Variants in PPP1R9B observed in about 807,000 individuals in gnomAD.
PPP1R9B encodes neurabin-2.
A neutral mutation model predicts 75.8 loss-of-function variants in PPP1R9B; 17 were observed. The observed-to-expected ratio is 0.22, with a 90% CI of 0.15 to 0.34. The LOEUF (loss-of-function observed/expected upper bound fraction) is 0.34. PPP1R9B is among the 10% of genes least tolerant of loss of function. The probability of loss-of-function intolerance (pLI) is 1.00; values close to 1 mark genes in which losing one functional copy is unlikely to be tolerated. For synonymous variants in PPP1R9B, 509 were observed against 535.4 expected, an observed-to-expected ratio of 0.95 and a Z score of 0.68; for missense variants, 875 against 1,196.0, an observed-to-expected ratio of 0.73 and a Z score of 3.96.
rs1202681449 is a variant in PPP1R9B at position 50,135,429 on chromosome 17, A to G, written c.2401-45T>C. 3 of 1,598,636 alleles carry G rather than the reference A, an allele frequency of 1.9e-6. No individual in the cohort carries two copies. In the Admixed American group the frequency reaches 5.0e-5, roughly 27 times the overall value. On this transcript the variant is annotated intron_variant, in intron 9 of 9. Transcript: ENST00000612501. Reference sequence around the variant, plus strand: ...AGGGGGTCAGGTCTGGACACCAGGCATGATCCCAGCCCCTTCCGCCCCCCG... The same window carrying G: ...AGGGGGTCAGGTCTGGACACCAGGCGTGATCCCAGCCCCTTCCGCCCCCCG...
intron 7 of PPP1R9B, 48 bp from the exon 8 acceptor site, chr17:50,136,245 C>T (rs1912226791): frequency 6.6e-7 from 1 of 1,516,302 alleles, no homozygotes; most frequent in Non-Finnish European, 8.9e-7. Flanking sequence ...CAGCAGGAGC[C>T]AAAGGGTACC....
intron 4 of PPP1R9B, 24 bp from the exon 5 acceptor site, chr17:50,140,252 G>A (rs753652878): frequency 5.1e-6 from 8 of 1,574,842 alleles, no homozygotes; most frequent in East Asian, 2.3e-5. Context: ...GGCATCATCC[G>A]CTGCCTCTGT....
At chr17:50,135,822 G>A in intron 8 of PPP1R9B, 146 bp downstream of exon 8, 1 of 860,914 alleles carries the variant, frequency 1.2e-6, no homozygotes, top group Non-Finnish European at 1.8e-6. Flanking sequence ...TGGCTCTGAT[G>A]CCTGGTCATT....
At chr17:50,148,341 C>G (rs535372535) in intron 1 of PPP1R9B, among the ~76,000 whole-genome samples, 10 of 152,354 alleles carry the variant, frequency 6.6e-5, no homozygotes, top group African/African-American at 2.2e-4. Flanking sequence ...GGAGTCTGTC[C>G]TATTGAGCAG....
chr17:50,148,969 T>C (rs1179336538), intron 1 of PPP1R9B, among the ~76,000 whole-genome samples, 174 bp downstream of exon 1: 2 of 151,820 alleles, frequency 1.3e-5, no homozygotes, highest in Admixed American at 1.3e-4. Context: ...AATCCCTCTC[T>C]GACAAACAGC....
chr17:50,135,098 T>G lies in PPP1R9B; in HGVS notation c.*233A>C, dbSNP rs568536490. Reference sequence around the variant, plus strand: ...CCTCGGCCTCTGTGCCTCAGCCCCATGGGGCAAGAAAGAGGCTGCCCTTCT... The same window carrying G: ...CCTCGGCCTCTGTGCCTCAGCCCCAGGGGGCAAGAAAGAGGCTGCCCTTCT... On this transcript the variant is annotated 3_prime_UTR_variant, in exon 10 of 10. Transcript: ENST00000612501. 1 of 572,322 alleles carries G rather than the reference T, an allele frequency of 1.7e-6. No individual in the cohort carries two copies. The allele number at this position is 572,322 out of a possible 1,614,324, so 35.5% of individuals were successfully genotyped here.
At chr17:50,147,750 G>A (rs1044101488) in intron 1 of PPP1R9B, among the ~76,000 whole-genome samples, 2 of 152,254 alleles carry the variant, frequency 1.3e-5, no homozygotes, top group East Asian at 1.9e-4. Flanking sequence ...GGAGGGGAAA[G>A]GGGTTGGGAG....
chr17:50,137,083 G>A (rs960026183), intron 7 of PPP1R9B, among the ~76,000 whole-genome samples: 2 of 151,926 alleles, frequency 1.3e-5, no homozygotes, highest in Non-Finnish European at 2.9e-5. Context: ...GGGCCTTTAC[G>A]TGTGCTGTCC....
intron 1 of PPP1R9B, among the ~76,000 whole-genome samples, chr17:50,146,445 G>C (rs1289076457): frequency 6.6e-6 from 1 of 152,142 alleles, no homozygotes; most frequent in African/African-American, 2.4e-5. Flanking sequence ...AAGGGCCCTT[G>C]TCAGGGCCCG....
chr17:50,135,047 C>A lies in PPP1R9B; in HGVS notation c.*284G>T. On this transcript the variant is annotated 3_prime_UTR_variant, in exon 10 of 10. Transcript: ENST00000612501. ...TTGATCTGCAGGTGCTTGTGTCCGTCGACCACCAGGCCAGCCCTCGGCAGC... is the reference window on the plus strand; with the variant it reads ...TTGATCTGCAGGTGCTTGTGTCCGTAGACCACCAGGCCAGCCCTCGGCAGC... The A allele has an allele frequency of 2.0e-6, 1 of 505,242 alleles. No individual in the cohort carries two copies. Among genetic ancestry groups the A allele is most frequent in the South Asian group, 2.3e-5 (1 of 42,830 alleles). 31.3% of individuals were successfully genotyped at this position (505,242 alleles called of 1,614,324 possible).
In PPP1R9B at chr17:50,135,212, T is replaced by TG. The variant is rs1912189309; in HGVS notation, c.*118dup. 12 of 584,366 alleles carry TG rather than the reference T, an allele frequency of 2.1e-5. No homozygotes were observed. The East Asian group carries it at 2.8e-4, about 14-fold the overall frequency. The allele number at this position is 584,366 out of a possible 1,614,324, so 36.2% of individuals were successfully genotyped here. ...AGCTGGGGGAGGTGGGGTGGAGGGG[T>TG]GGGGGGAGTCGGGGCACCTGTCCCC... On this transcript the variant is annotated 3_prime_UTR_variant, in exon 10 of 10. Coordinates refer to ENST00000612501, the MANE Select transcript of PPP1R9B (RefSeq NM_032595.5).
In PPP1R9B at chr17:50,150,035, C is replaced by G. The variant is rs571450130; in HGVS notation, c.479G>C (p.Gly160Ala). 21 of 1,470,012 alleles carry G rather than the reference C, an allele frequency of 1.4e-5. No individual in the cohort carries two copies. Among genetic ancestry groups the G allele is most frequent in the East Asian group, 3.0e-5 (1 of 33,868 alleles). 91.1% of individuals were successfully genotyped at this position (1,470,012 alleles called of 1,614,324 possible). ...CCGCGCCGCGGCCTCCTTGTCGCCGCCTGCGGCCGCTGGGGCGCTCCGTTC... is the reference window on the plus strand; with the variant it reads ...CCGCGCCGCGGCCTCCTTGTCGCCGGCTGCGGCCGCTGGGGCGCTCCGTTC... ...LFERSAPAAAGGDKEAAARRL... is the reference protein window; with the variant it reads ...LFERSAPAAAAGDKEAAARRL... Residue 160 changes from glycine to alanine, a missense_variant, in exon 1 of 10, where the codon GGC (glycine) becomes GCC (alanine). Coordinates refer to ENST00000612501, the MANE Select transcript of PPP1R9B (RefSeq NM_032595.5). The surrounding 1 kb of genome is among the most constrained non-coding windows in gnomAD (Gnocchi z 8.7).
chr17:50,139,539 T>C lies in PPP1R9B; in HGVS notation c.1909A>G (p.Thr637Ala), dbSNP rs756121444. 1 of 1,591,120 alleles carries C rather than the reference T, an allele frequency of 6.3e-7. No individual in the cohort carries two copies. Among genetic ancestry groups the C allele is most frequent in the Non-Finnish European group, 8.6e-7 (1 of 1,167,210 alleles). The change falls in exon 6 of 10, where the codon ACG becomes GCG. Residue 637 changes from threonine to alanine, a missense_variant. Thr to Ala is a moderately conservative substitution (Grantham distance 58). This residue lies in a region of PPP1R9B where 218 missense variants were observed against 334.6 expected (regional missense o/e 0.65). Transcript: ENST00000612501. This position sits in a 1 kb window ranked among gnomAD's most constrained non-coding sequence, Gnocchi z 5.0. Reference protein sequence around the residue: ...ATDEDEELSPTFPGGEMAIEV... With the variant: ...ATDEDEELSPAFPGGEMAIEV... Reference sequence around the variant, plus strand: ...ATGGCCATCTCACCACCCGGGAACGTGGGGCTCAGCTCCTCATCCTCGTCA... The same window carrying C: ...ATGGCCATCTCACCACCCGGGAACGCGGGGCTCAGCTCCTCATCCTCGTCA...
rs561971123 is a variant in PPP1R9B, at chr17:50,134,526, C to G, written c.*805G>C. On this transcript the variant is annotated 3_prime_UTR_variant, in exon 10 of 10. Coordinates refer to ENST00000612501, the MANE Select transcript of PPP1R9B (RefSeq NM_032595.5). ...AGGCTTGACCAGGAAACCTGGACCC[C>G]AGAGAGGCCACATAACAGTTCCAAG... 6.5e-6 allele frequency: 1 copy of G among 152,820 alleles called. No homozygotes were observed. Among genetic ancestry groups the G allele is most frequent in the East Asian group, 1.9e-4 (1 of 5,176 alleles). 9.5% of individuals were successfully genotyped at this position (152,820 alleles called of 1,614,324 possible). A position where few individuals can be genotyped will look rare whatever the true frequency, so the allele number is the denominator to read the frequency against.
intron 1 of PPP1R9B, among the ~76,000 whole-genome samples, chr17:50,148,736 G>C (rs1436479952): frequency 6.6e-6 from 1 of 152,196 alleles, no homozygotes; most frequent in Non-Finnish European, 1.5e-5. Flanking sequence ...TCTCTACCCA[G>C]TGAAGGGCAA....
At position 50,149,441 on chromosome 17, in the gene PPP1R9B, G is replaced by A; in HGVS notation, c.1073C>T (p.Ala358Val). The A allele has an allele frequency of 6.2e-7, 1 of 1,605,858 alleles. No homozygotes were observed. The highest frequency in any genetic ancestry group is 8.5e-7 in the Non-Finnish European group (1 of 1,177,124). Residue 358 changes from alanine to valine, a missense_variant, in exon 1 of 10, where the codon GCG becomes GTG. This residue lies in a region of PPP1R9B where 449 missense variants were observed against 475.0 expected (regional missense o/e 0.95). Coordinates refer to ENST00000612501, the MANE Select transcript of PPP1R9B (RefSeq NM_032595.5). This position sits in a 1 kb window ranked among gnomAD's most constrained non-coding sequence, Gnocchi z 7.2. ...AQAAPEKEAAAVAPPERGVGN... is the reference protein window; with the variant it reads ...AQAAPEKEAAVVAPPERGVGN... The stretch of plus-strand genomic sequence containing the variant: ...CACCCCCCTCTCTGGCGGCGCTACC[G>A]CCGCCGCCTCCTTCTCCGGGGCCGC...
chr17:50,150,538 C>CCCCTGCT lies in PPP1R9B; in HGVS notation c.-32_-26dup, dbSNP rs1912669418. On this transcript the variant is annotated 5_prime_UTR_variant, in exon 1 of 10. Transcript: ENST00000612501. This position sits in a 1 kb window ranked among gnomAD's most constrained non-coding sequence, Gnocchi z 8.7. Reference sequence around the variant, plus strand: ...TGGTGGGGGGAGCCGGGTTCGCATGCCCCTGCTCCCCGCTCCCCCGCTTCA... The same window carrying CCCCTGCT: ...TGGTGGGGGGAGCCGGGTTCGCATGCCCCTGCTCCCTGCTCCCCGCTCCCCCGCTTCA... The CCCCTGCT allele has an allele frequency of 1.5e-6, 2 of 1,291,270 alleles. No individual in the cohort carries two copies. The highest frequency in any genetic ancestry group is 3.1e-5 in the African/African-American group (2 of 64,520). 80.0% of individuals were successfully genotyped at this position (1,291,270 alleles called of 1,614,324 possible). A position where few individuals can be genotyped will look rare whatever the true frequency, so the allele number is the denominator to read the frequency against.
chr17:50,136,896 C>T (rs1376343254), intron 7 of PPP1R9B, among the ~76,000 whole-genome samples: 1 of 151,968 alleles, frequency 6.6e-6, no homozygotes, highest in East Asian at 1.9e-4. Flanking sequence ...ATGCCCCAGA[C>T]CAGGCCCCCG....
In PPP1R9B at chr17:50,149,152, C is replaced by A; in HGVS notation, c.1362G>T (p.Ala454=). 2.0e-6 allele frequency: 3 copies of A among 1,491,408 alleles called. No individual in the cohort carries two copies. Among genetic ancestry groups the A allele is most frequent in the South Asian group, 2.6e-5 (2 of 75,808 alleles). The allele number at this position is 1,491,408 out of a possible 1,614,324, so 92.4% of individuals were successfully genotyped here. Residue 454 remains alanine, a synonymous_variant, in exon 1 of 10, where the codon GCG becomes GCT. Transcript: ENST00000612501. The surrounding 1 kb of genome is among the most constrained non-coding windows in gnomAD (Gnocchi z 7.2). ...APSRKIHFST[A]PIQVFSTYSN... Reference sequence around the variant, plus strand: ...GGGGGGGCTCACTTACTTGGATGGGCGCCGTGCTGAAATGGATCTTCCGGC... The same window carrying A: ...GGGGGGGCTCACTTACTTGGATGGGAGCCGTGCTGAAATGGATCTTCCGGC...
Sources: allele counts gnomAD v4.1 joint callset (sites outside exome capture counted in the v4.1 genomes callset), GRCh38; gene constraint gnomAD v4.1.1; regional missense constraint gnomAD v4.1.1; non-coding constraint Gnocchi (gnomAD v3.1); transcripts MANE v1.5; gene names NCBI Gene and HGNC (gene_info 2026-07-23, HGNC 2026-07-21).